HPS5: variants seen among roughly 807,000 people sequenced by gnomAD.
HPS5 encodes the protein HPS5 biogenesis of lysosomal organelles complex 2 subunit 2, also known as BLOC-2 complex member HPS5.
A neutral mutation model predicts 128.0 loss-of-function variants in HPS5; 83 were observed. The ratio of observed to expected loss-of-function variants is 0.65; its 90% CI spans 0.54 to 0.78. HPS5 has a LOEUF of 0.78. HPS5 is among the 30% of genes least tolerant of loss of function. The pLI is 0.00. For synonymous variants in HPS5, 475 were observed against 470.2 expected, an observed-to-expected ratio of 1.01 and a Z score of -0.13; for missense variants, 1,281 against 1,326.2, an observed-to-expected ratio of 0.97 and a Z score of 0.53.
At chr11:18,303,047 T>C (rs996579268) in intron 8 of HPS5, among the ~76,000 whole-genome samples, 2 of 152,174 alleles carry the variant, frequency 1.3e-5, no homozygotes, top group African/African-American at 4.8e-5. Context: ...CTAACAGCAT[T>C]GTTTTAGAAG....
intron 13 of HPS5, 123 bp from the exon 14 acceptor site, chr11:18,295,292 T>A: frequency 1.3e-6 from 1 of 777,222 alleles, no homozygotes; most frequent in Non-Finnish European, 2.1e-6. Context: ...TAGTAAAGAC[T>A]GTTTATAGCA....
chr11:18,296,606 G>A (rs538380172), intron 12 of HPS5, 192 bp downstream of exon 12: 18 of 705,370 alleles, frequency 2.6e-5, no homozygotes, highest in Admixed American at 1.5e-4. Context: ...AAACGTGAGG[G>A]GAAAAAATAC....
At chr11:18,306,851 TC>T (rs1271153378) in intron 6 of HPS5, among the ~76,000 whole-genome samples, 1 of 152,216 alleles carries the variant, frequency 6.6e-6, no homozygotes, top group African/African-American at 2.4e-5. Flanking sequence ...CTTGGAGCAT[TC>T]TGTTCCCTTA....
intron 16 of HPS5, among the ~76,000 whole-genome samples, chr11:18,288,812 C>T (rs535207520): frequency 1.5e-4 from 22 of 151,358 alleles, no homozygotes; most frequent in Non-Finnish European, 2.9e-4. Flanking sequence ...TGCACACATG[C>T]GCACATGCGT....
At chr11:18,284,005 T>A in intron 20 of HPS5, 104 bp from the exon 21 acceptor site, 1 of 734,800 alleles carries the variant, frequency 1.4e-6, no homozygotes, top group South Asian at 1.5e-5. Flanking sequence ...TATTTCAATT[T>A]AAATTAATTA....
chr11:18,305,377 A>T, intron 8 of HPS5, 45 bp downstream of exon 8: 1 of 1,236,370 alleles, frequency 8.1e-7, no homozygotes, highest in Non-Finnish European at 1.2e-6. Flanking sequence ...ATAAAAATCT[A>T]AGTATTCTTT....
intron 8 of HPS5, among the ~76,000 whole-genome samples, chr11:18,304,610 T>A (rs1482085510): frequency 1.3e-5 from 2 of 152,232 alleles, no homozygotes; most frequent in Non-Finnish European, 2.9e-5. Context: ...AACACTTCAA[T>A]TATTTTTAAA....
intron 6 of HPS5, among the ~76,000 whole-genome samples, chr11:18,308,177 C>T (rs945208436): frequency 6.6e-6 from 1 of 152,206 alleles, no homozygotes; most frequent in African/African-American, 2.4e-5. Context: ...TTCACAGCTA[C>T]CTCTAATGCA....
At chr11:18,287,244 G>T (rs1859860398) in intron 18 of HPS5, among the ~76,000 whole-genome samples, 1 of 152,160 alleles carries the variant, frequency 6.6e-6, no homozygotes, top group African/African-American at 2.4e-5. Context: ...TCTACTCACT[G>T]CAAAGACAAT....
chr11:18,292,689 T>C (rs1860562187), intron 15 of HPS5, among the ~76,000 whole-genome samples: 1 of 152,200 alleles, frequency 6.6e-6, no homozygotes, highest in Non-Finnish European at 1.5e-5. Context: ...ATCTTATTGC[T>C]GCCAAGAATG....
intron 2 of HPS5, among the ~76,000 whole-genome samples, chr11:18,313,701 G>A (rs868260122): frequency 2.3e-4 from 35 of 151,540 alleles, no homozygotes; most frequent in African/African-American, 8.5e-4. Flanking sequence ...GGATCACGAG[G>A]TTAGGAGATC....
At chr11:18,313,731 A>G (rs912682475) in intron 2 of HPS5, among the ~76,000 whole-genome samples, 1 of 151,794 alleles carries the variant, frequency 6.6e-6, no homozygotes, top group Non-Finnish European at 1.5e-5. Context: ...CTGGCCAATA[A>G]AGTGAAACCC....
At chr11:18,284,522 A>G (rs1293762291) in intron 20 of HPS5, among the ~76,000 whole-genome samples, 2 of 152,176 alleles carry the variant, frequency 1.3e-5, no homozygotes, top group Non-Finnish European at 2.9e-5. Context: ...TGATCTCTAG[A>G]AAGCTCCACT....
rs180837376 is a variant in HPS5 at position 18,294,959 on chromosome 11, T to G, written c.1784+61A>C. ...AGGCTGCACAAGGTTGGTCTATGGC[T>G]TTCTTAAAACTGACAGCTGGATTCC... is the stretch of plus-strand genomic sequence containing the variant. On this transcript the variant is annotated intron_variant, in intron 14 of 22. Transcript: ENST00000349215. The G allele has an allele frequency of 2.4e-5, 38 of 1,598,136 alleles. No homozygotes were observed. In the African/African-American group the frequency reaches 4.7e-4, roughly 20 times the overall value.
Position 18,296,055 on chromosome 11 carries a change from A to G in HPS5, c.1578T>C (p.Ile526=), listed in dbSNP as rs757744690. The change falls in exon 13 of 23, where the codon ATT becomes ATC. Residue 526 remains isoleucine, a synonymous_variant. Coordinates refer to ENST00000349215, the MANE Select transcript of HPS5 (RefSeq NM_181507.2). ...GAGATGGAGAACGAAATGGTAATGG[A>G]ATGCCGAACGGGAGAAAAGTTTCAT... is the stretch of plus-strand genomic sequence containing the variant. ...DKNETFLPFG[I]PLPFRSPSPL... 24 of 1,613,562 alleles carry G rather than the reference A, an allele frequency of 1.5e-5. No homozygotes were observed. The highest frequency in any genetic ancestry group is 1.8e-5 in the Non-Finnish European group (21 of 1,179,444).
chr11:18,304,559 CA>C, intron 8 of HPS5, among the ~76,000 whole-genome samples: 1 of 152,288 alleles, frequency 6.6e-6, no homozygotes, highest in East Asian at 1.9e-4. Context: ...ATGACAAATA[CA>C]TGAACTGGTT....
At chr11:18,311,671 C>G in intron 3 of HPS5, 1 of 558,208 alleles carries the variant, frequency 1.8e-6, no homozygotes, top group South Asian at 2.0e-5. Context: ...CCACCACGCC[C>G]AGCTAATTTT....
chr11:18,306,314 T>A lies in HPS5; in HGVS notation c.645A>T (p.Arg215Ser). Residue 215 changes from arginine to serine, a missense_variant, in exon 7 of 23, where the codon AGA (arginine) becomes AGT (serine). Coordinates refer to ENST00000349215, the MANE Select transcript of HPS5 (RefSeq NM_181507.2). Reference sequence around the variant, plus strand: ...AGAAACAAGCTCCATATTCTCCATCTCTTTCCTTGTTTCCAATTTTCCAAA... The same window carrying A: ...AGAAACAAGCTCCATATTCTCCATCACTTTCCTTGTTTCCAATTTTCCAAA... The part of the protein sequence containing the change: ...EKFWKIGNKE[R>S]DGEYGACFFP... The A allele has an allele frequency of 6.2e-7, 1 of 1,614,038 alleles. No homozygotes were observed. Among genetic ancestry groups the A allele is most frequent in the Admixed American group, 1.7e-5 (1 of 60,010 alleles).
At chr11:18,280,043 A>T in intron 22 of HPS5, 101 bp from the exon 23 acceptor site, 1 of 1,214,566 alleles carries the variant, frequency 8.2e-7, no homozygotes, top group Admixed American at 1.9e-5. Context: ...CAAAAAGTTG[A>T]CTGATTCTGT....
Sources: allele counts gnomAD v4.1 joint callset (sites outside exome capture counted in the v4.1 genomes callset), GRCh38; gene constraint gnomAD v4.1.1; transcripts MANE v1.5; gene names NCBI Gene and HGNC (gene_info 2026-07-23, HGNC 2026-07-21).